SMARCA2: variants seen among roughly 807,000 people sequenced by gnomAD.
SMARCA2 encodes the protein SWI/SNF related BAF chromatin remodeling complex subunit ATPase 2, also known as SWI/SNF-related matrix-associated actin-dependent regulator of chromatin subfamily A member 2.
In SMARCA2, 61 loss-of-function variants were observed where a neutral mutation model predicts 199.8. That is an observed-to-expected ratio of 0.31 (90% CI 0.25 to 0.38). The LOEUF is 0.38. SMARCA2 is among the 10% of genes least tolerant of loss of function. The pLI, the probability that SMARCA2 is intolerant of heterozygous loss-of-function variation, is 1.00. For synonymous variants in SMARCA2, 935 were observed against 732.0 expected, an observed-to-expected ratio of 1.28 and a Z score of -4.48; for missense variants, 1,344 against 2,012.2, an observed-to-expected ratio of 0.67 and a Z score of 6.35.
intron 23 of SMARCA2, among the ~76,000 whole-genome samples, chr9:2,105,230 T>C (rs1360493788): frequency 1.3e-5 from 2 of 150,104 alleles, no homozygotes; most frequent in Non-Finnish European, 2.9e-5. Flanking sequence ...TTTGACAAAC[T>C]TGATTTTTTT....
intron 2 of SMARCA2, among the ~76,000 whole-genome samples, chr9:2,030,962 A>AT (rs1819039532): frequency 1.3e-5 from 2 of 152,252 alleles, no homozygotes; most frequent in Admixed American, 6.5e-5. Flanking sequence ...AAGGAAAACA[A>AT]TACTGAGATA....
intron 1 of SMARCA2, among the ~76,000 whole-genome samples, chr9:2,021,478 C>A (rs1034643338): frequency 6.6e-5 from 10 of 152,180 alleles, no homozygotes; most frequent in Admixed American, 3.9e-4. Flanking sequence ...TATTTCTTTA[C>A]CTACTTGATG....
intron 19 of SMARCA2, among the ~76,000 whole-genome samples, chr9:2,089,808 G>A (rs1393759498): frequency 2.0e-5 from 3 of 152,144 alleles, no homozygotes; most frequent in Non-Finnish European, 4.4e-5. Flanking sequence ...GGCCATGTGG[G>A]TGCCTTGAAT....
At chr9:2,147,729 C>T (rs955871376) in intron 27 of SMARCA2, among the ~76,000 whole-genome samples, 1 of 149,144 alleles carries the variant, frequency 6.7e-6, no homozygotes, top group Non-Finnish European at 1.5e-5. Context: ...CACTTGTAAT[C>T]CCAGCTACTT....
At chr9:2,097,323 G>T in intron 20 of SMARCA2, 62 bp from the exon 21 acceptor site, 1 of 1,062,664 alleles carries the variant, frequency 9.4e-7, no homozygotes, top group Non-Finnish European at 1.4e-6. Flanking sequence ...CCAGTGTGAA[G>T]GATCTGAAAT....
At chr9:2,059,169 CGT>C (rs141664265) in intron 8 of SMARCA2, among the ~76,000 whole-genome samples, 2 of 151,802 alleles carry the variant, frequency 1.3e-5, no homozygotes, top group East Asian at 1.9e-4. Context: ...TTTAGAAAAG[CGT>C]GTGTGTGTGT....
intron 27 of SMARCA2, chr9:2,160,396 G>T (rs551283665): frequency 1.8e-4 from 99 of 539,980 alleles, no homozygotes; most frequent in African/African-American, 1.7e-3. Flanking sequence ...GCACATTGGA[G>T]GATGCGTAGA....
chr9:2,191,872 G>GTGT (rs1827910852), intron 33 of SMARCA2: 1 of 101,258 alleles, frequency 9.9e-6, no homozygotes, highest in Non-Finnish European at 1.8e-5. Context: ...GTACCTAGGG[G>GTGT]TGTTATTTTT....
chr9:2,094,728 A>G (rs1488265696), intron 19 of SMARCA2, among the ~76,000 whole-genome samples: 1 of 152,218 alleles, frequency 6.6e-6, no homozygotes, highest in Non-Finnish European at 1.5e-5. Context: ...AGAAGGCTAA[A>G]TGTGGCTATC....
chr9:2,031,861 C>T (rs1316734342), intron 2 of SMARCA2, among the ~76,000 whole-genome samples: 1 of 152,182 alleles, frequency 6.6e-6, no homozygotes, highest in Non-Finnish European at 1.5e-5. Context: ...ATTCTTCCTT[C>T]TTCCTCTGAG....
At position 2,054,731 on chromosome 9, in the gene SMARCA2, AT is replaced by A; in HGVS notation, c.1173+12del. 1 of 1,613,838 alleles carries A rather than the reference AT, an allele frequency of 6.2e-7. No individual in the cohort carries two copies. Among genetic ancestry groups the A allele is most frequent in the Non-Finnish European group, 8.5e-7 (1 of 1,179,804 alleles). ...CTCAATTTCCAGCGTCAGGTAATACATTTTCCCCAGTGAATCTGAGATGTAG... is the reference window on the plus strand; with the variant it reads ...CTCAATTTCCAGCGTCAGGTAATACATTTCCCCAGTGAATCTGAGATGTAG... On this transcript the variant is annotated intron_variant, in intron 6 of 33. Transcript: ENST00000349721.
chr9:2,161,897 A>C lies in SMARCA2; in HGVS notation c.4193A>C (p.Lys1398Thr), dbSNP rs953544126. 6.2e-7 allele frequency: 1 copy of C among 1,612,868 alleles called. No individual in the cohort carries two copies. The highest frequency in any genetic ancestry group is 8.5e-7 in the Non-Finnish European group (1 of 1,179,120). ...ATCATCGATACTGTGATAAACTACA[A>C]AGATAGGTGAGTGTTTGGTTCCTTC... Reference protein sequence around the residue: ...NAIIDTVINYKDRCNVEKVPS... With the variant: ...NAIIDTVINYTDRCNVEKVPS... The change falls in exon 28 of 34, where the codon AAA (lysine) becomes ACA (threonine). Residue 1398 changes from lysine (K) to threonine (T), a missense_variant. By Grantham distance (78) the Lys-to-Thr change is moderately conservative. Around this residue, in one of 18 missense-constraint regions of SMARCA2, gnomAD observed 151 missense variants for 154.0 expected, o/e 0.98. Coordinates refer to ENST00000349721, the MANE Select transcript of SMARCA2 (RefSeq NM_003070.5). The surrounding 1 kb of genome is among the most constrained non-coding windows in gnomAD (Gnocchi z 4.7).
rs985693142 is a variant in SMARCA2 at position 2,086,309 on chromosome 9, G to A, written c.2527-520G>A. The stretch of plus-strand genomic sequence containing the variant: ...CACACTTCCGGGCCAAGCCCTAAAG[G>A]TAGTAACCAGCCAGGCTAATAGAAA... On this transcript the variant is annotated intron_variant, in intron 17 of 33. Coordinates refer to ENST00000349721, the MANE Select transcript of SMARCA2 (RefSeq NM_003070.5). This position sits in a 1 kb window ranked among gnomAD's most constrained non-coding sequence, Gnocchi z 4.3. Among the ~76,000 whole-genome samples, 2 of 152,208 alleles carry A rather than the reference G, an allele frequency of 1.3e-5. No homozygotes were observed. Among genetic ancestry groups the A allele is most frequent in the African/African-American group, 4.8e-5 (2 of 41,456 alleles).
At chr9:2,124,792 T>C (rs960075651) in intron 27 of SMARCA2, among the ~76,000 whole-genome samples, 1 of 152,202 alleles carries the variant, frequency 6.6e-6, no homozygotes, top group African/African-American at 2.4e-5. Context: ...GTGTGAACAC[T>C]GAGGCCCGGG....
intron 1 of SMARCA2, 56 bp from the exon 2 acceptor site, chr9:2,028,931 C>T (rs954877910): frequency 1.5e-6 from 2 of 1,368,220 alleles, no homozygotes; most frequent in East Asian, 2.5e-5. Context: ...TTGTTTTATT[C>T]TGGTCTTAAC....
Position 2,123,951 on chromosome 9 carries a change from T to C in SMARCA2, c.3981+14T>C. ...CAGTGGCTAAGGGTAAGCCTAGCTT[T>C]TCTAACCCGCTCTCACTAGGTGGAG... On this transcript the variant is annotated intron_variant, in intron 27 of 33. Coordinates refer to ENST00000349721, the MANE Select transcript of SMARCA2 (RefSeq NM_003070.5). The surrounding 1 kb of genome is among the most constrained non-coding windows in gnomAD (Gnocchi z 4.1). 6.5e-7 allele frequency: 1 copy of C among 1,549,292 alleles called. No individual in the cohort carries two copies. Among genetic ancestry groups the C allele is most frequent in the South Asian group, 1.2e-5 (1 of 84,162 alleles).
chr9:2,164,105 TATC>T (rs1293703406), intron 28 of SMARCA2, among the ~76,000 whole-genome samples: 1 of 152,166 alleles, frequency 6.6e-6, no homozygotes, highest in Non-Finnish European at 1.5e-5. Flanking sequence ...CGTCACTCTG[TATC>T]ATCTCTTCAG....
At chr9:2,043,891 A>C (rs1819721117) in intron 4 of SMARCA2, 1 of 152,242 alleles carries the variant, frequency 6.6e-6, no homozygotes, top group South Asian at 2.1e-4. Flanking sequence ...TGAGGACTGA[A>C]GGGAAAGCAG....
In SMARCA2 at chr9:2,182,478, C is replaced by CTTTT. The variant is rs145095906; in HGVS notation, c.4461+260_4461+263dup. Among the ~76,000 whole-genome samples the CTTTT allele has an allele frequency of 5.2e-4, 50 of 96,724 alleles. 1 individual carries two copies. Among genetic ancestry groups the CTTTT allele is most frequent in the Admixed American group, 5.2e-4 (4 of 7,636 alleles). The allele number at this position is 96,724 out of a possible 152,430, so 63.5% of individuals were successfully genotyped here. ...CACACTTCTTTTCAAAGCTTATAGT[C>CTTTT]TTTTTTTTTTTTTTTTTTTTTTTTT... On this transcript the variant is annotated intron_variant, in intron 31 of 33. Transcript: ENST00000349721.
Sources: gnomAD v4.1 joint callset for allele counts (sites outside exome capture counted in the v4.1 genomes callset) on GRCh38, gnomAD v4.1.1 for gene constraint, gnomAD v4.1.1 regional missense constraint, Gnocchi (gnomAD v3.1) non-coding constraint, MANE v1.5 for transcripts, NCBI Gene and HGNC (gene_info 2026-07-23, HGNC 2026-07-21) for gene names.